GUCY1A2: variants seen among roughly 807,000 people sequenced by gnomAD.
GUCY1A2 encodes the protein guanylate cyclase 1 soluble subunit alpha 2, also known as guanylate cyclase soluble subunit alpha-2.
Under a neutral mutation model 63.5 loss-of-function variants are expected in GUCY1A2, and 27 were observed. The ratio of observed to expected loss-of-function variants is 0.43; its 90% CI spans 0.31 to 0.59. The LOEUF (loss-of-function observed/expected upper bound fraction) is 0.59, where lower values mean the gene tolerates loss of function less well. Ranked by LOEUF, GUCY1A2 falls within the 20% of genes least tolerant of loss-of-function variation. GUCY1A2 has a pLI of 0.11. For missense variants in GUCY1A2, 768 were observed against 913.3 expected (o/e 0.84, Z 2.05); for synonymous variants, 364 against 343.5 (o/e 1.06, Z -0.66).
intron 3 of GUCY1A2, among the ~76,000 whole-genome samples, chr11:106,941,138 A>T (rs1418693637): frequency 6.6e-6 from 1 of 152,192 alleles, no homozygotes; most frequent in Non-Finnish European, 1.5e-5. Context: ...TCTTTCACCC[A>T]CAAAAGTAAG....
intron 7 of GUCY1A2, among the ~76,000 whole-genome samples, chr11:106,689,728 C>T (rs573367143): frequency 3.3e-5 from 5 of 152,066 alleles, no homozygotes; most frequent in Non-Finnish European, 7.4e-5. Context: ...CGGTGGCTCA[C>T]GCCTGTAATC....
intron 6 of GUCY1A2, among the ~76,000 whole-genome samples, chr11:106,709,118 C>T (rs576721951): frequency 2.2e-3 from 258 of 114,742 alleles, no homozygotes; most frequent in African/African-American, 7.6e-3. Context: ...TTGGATTTTC[C>T]CATCAGAGAA....
intron 6 of GUCY1A2, among the ~76,000 whole-genome samples, chr11:106,770,656 A>G (rs1864239869): frequency 6.6e-6 from 1 of 151,868 alleles, no homozygotes; most frequent in South Asian, 2.1e-4. Context: ...TAAAAGTTGA[A>G]GCTAAAAATT....
chr11:106,892,620 C>G (rs1026674006), intron 4 of GUCY1A2, among the ~76,000 whole-genome samples: 1 of 151,626 alleles, frequency 6.6e-6, no homozygotes, highest in African/African-American at 2.4e-5. Flanking sequence ...TATTGCCCTT[C>G]CTCCTTCAAC....
intron 4 of GUCY1A2, among the ~76,000 whole-genome samples, chr11:106,858,337 A>G (rs774110388): frequency 2.2e-4 from 33 of 152,172 alleles, no homozygotes; most frequent in Non-Finnish European, 3.1e-4. Context: ...ATGAGAAGCA[A>G]TTTGTAAAGT....
intron 3 of GUCY1A2, among the ~76,000 whole-genome samples, chr11:106,954,318 G>A (rs527249663): frequency 1.8e-4 from 28 of 152,218 alleles, no homozygotes; most frequent in African/African-American, 4.6e-4. Flanking sequence ...AAATTGTGTC[G>A]TTTTGAGTGA....
chr11:106,963,793 G>A (rs912556068), intron 3 of GUCY1A2, among the ~76,000 whole-genome samples: 4 of 152,004 alleles, frequency 2.6e-5, no homozygotes, highest in Non-Finnish European at 5.9e-5. Context: ...TTAGTTTTGT[G>A]GTGATGTCCG....
intron 1 of GUCY1A2, among the ~76,000 whole-genome samples, chr11:107,007,486 C>T (rs1205410872): frequency 2.0e-5 from 3 of 152,212 alleles, no homozygotes; most frequent in Admixed American, 6.5e-5. Context: ...TGTCCCCAAA[C>T]ACCTCAAGCT....
At chr11:106,756,233 A>G (rs570072591) in intron 6 of GUCY1A2, among the ~76,000 whole-genome samples, 197 of 152,206 alleles carry the variant, frequency 1.3e-3, no homozygotes, top group South Asian at 6.0e-3. Flanking sequence ...TTTTGAACCT[A>G]TGTGTGTCTT....
At chr11:106,979,992 G>C (rs1018952859) in intron 2 of GUCY1A2, among the ~76,000 whole-genome samples, 2 of 152,134 alleles carry the variant, frequency 1.3e-5, no homozygotes, top group Non-Finnish European at 2.9e-5. Context: ...GTTGGTGAGG[G>C]GGGTCCACAG....
intron 4 of GUCY1A2, among the ~76,000 whole-genome samples, chr11:106,891,229 C>G (rs1015174418): frequency 3.9e-5 from 6 of 152,012 alleles, no homozygotes; most frequent in African/African-American, 1.4e-4. Context: ...ATGTAAGCAT[C>G]TTTTTCTATA....
intron 3 of GUCY1A2, among the ~76,000 whole-genome samples, chr11:106,956,258 T>A (rs1451199019): frequency 6.6e-6 from 1 of 152,010 alleles, no homozygotes. Context: ...TTTTTTATTA[T>A]CCATCTTCTG....
chr11:106,809,956 A>G, intron 5 of GUCY1A2, 37 bp downstream of exon 5: 1 of 1,352,878 alleles, frequency 7.4e-7, no homozygotes, highest in Non-Finnish European at 1.0e-6. Flanking sequence ...ATTTACTATT[A>G]AAAAACATTT....
At chr11:106,855,476 C>T (rs564085445) in intron 4 of GUCY1A2, among the ~76,000 whole-genome samples, 1 of 140,764 alleles carries the variant, frequency 7.1e-6, no homozygotes, top group Admixed American at 6.9e-5. Flanking sequence ...CTGTTTTGGT[C>T]CTTTTTTTTG....
At chr11:106,777,836 A>G (rs1053578812) in intron 5 of GUCY1A2, among the ~76,000 whole-genome samples, 10 of 152,150 alleles carry the variant, frequency 6.6e-5, no homozygotes, top group East Asian at 1.9e-4. Flanking sequence ...TAATTTTTAA[A>G]AAAAGGAAGA....
chr11:106,715,123 A>G (rs1250604752), intron 6 of GUCY1A2, among the ~76,000 whole-genome samples: 2 of 152,202 alleles, frequency 1.3e-5, no homozygotes, highest in Non-Finnish European at 2.9e-5. Flanking sequence ...GGGACACGTT[A>G]AAGTCCCCAA....
intron 4 of GUCY1A2, among the ~76,000 whole-genome samples, chr11:106,921,232 T>A (rs1278477069): frequency 6.6e-6 from 1 of 152,046 alleles, no homozygotes; most frequent in Non-Finnish European, 1.5e-5. Context: ...AATTCCCATA[T>A]CCTGAAATGC....
At position 106,759,586 on chromosome 11, in the gene GUCY1A2, G is replaced by C. The variant is rs375481910; in HGVS notation, c.1836+16853C>G. The stretch of plus-strand genomic sequence containing the variant: ...GTCAAATTGAAAATTATTAATATGA[G>C]TTCCTACCAGAGTAGGGGGGACCCC... On this transcript the variant is annotated intron_variant, in intron 6 of 7. Coordinates refer to ENST00000526355, the MANE Select transcript of GUCY1A2 (RefSeq NM_000855.3). Among the ~76,000 whole-genome samples, 4 of 152,276 alleles carry C rather than the reference G, an allele frequency of 2.6e-5. No individual in the cohort carries two copies. The East Asian group carries it at 7.7e-4, about 29-fold the overall frequency.
chr11:106,956,071 G>T (rs1860980426), intron 3 of GUCY1A2, among the ~76,000 whole-genome samples: 1 of 151,096 alleles, frequency 6.6e-6, no homozygotes, highest in African/African-American at 2.4e-5. Context: ...CTTCTGCTTG[G>T]TCAATTTGGC....
Sources: allele counts gnomAD v4.1 joint callset (sites outside exome capture counted in the v4.1 genomes callset), GRCh38; gene constraint gnomAD v4.1.1; transcripts MANE v1.5; gene names NCBI Gene and HGNC (gene_info 2026-07-23, HGNC 2026-07-21).